RNF123: variants seen among roughly 807,000 people sequenced by gnomAD.
RNF123 encodes ring finger protein 123.
Under a neutral mutation model 168.5 loss-of-function variants are expected in RNF123, and 86 were observed. The ratio of observed to expected loss-of-function variants is 0.51; its 90% confidence interval spans 0.43 to 0.61. RNF123 has a LOEUF of 0.61. Ranked by LOEUF, RNF123 falls within the 20% of genes least tolerant of loss-of-function variation. RNF123 has a pLI of 0.00. For synonymous variants in RNF123, 666 were observed against 689.1 expected, an observed-to-expected ratio of 0.97 and a Z score of 0.52; for missense variants, 1,419 against 1,729.7, an observed-to-expected ratio of 0.82 and a Z score of 3.19.
chr3:49,699,418 G>A lies in RNF123; in HGVS notation c.765-50G>A. ...GTGGGGGGTGGGCAGTGGAGAGGGAGTAGGCATGTCTGAGCCACAGATAAG... is the reference window on the plus strand; with the variant it reads ...GTGGGGGGTGGGCAGTGGAGAGGGAATAGGCATGTCTGAGCCACAGATAAG... On this transcript the variant is annotated intron_variant, in intron 10 of 38. Coordinates refer to ENST00000327697, the MANE Select transcript of RNF123 (RefSeq NM_022064.5). This position sits in a 1 kb window ranked among gnomAD's most constrained non-coding sequence, Gnocchi z 4.8. 1 of 1,465,020 alleles carries A rather than the reference G, an allele frequency of 6.8e-7. No homozygotes were observed. Among genetic ancestry groups the A allele is most frequent in the South Asian group, 1.2e-5 (1 of 82,456 alleles). The allele number at this position is 1,465,020 out of a possible 1,614,324, so 90.8% of individuals were successfully genotyped here.
chr3:49,712,449 A>G (rs751143604), intron 26 of RNF123, 30 bp from the exon 27 acceptor site: 1 of 1,611,432 alleles, frequency 6.2e-7, no homozygotes. Flanking sequence ...CTGGTGCGCA[A>G]CCCAGCAGCA....
chr3:49,702,186 G>C, intron 18 of RNF123, 42 bp downstream of exon 18: 2 of 1,605,148 alleles, frequency 1.2e-6, no homozygotes, highest in Non-Finnish European at 1.7e-6. Context: ...CCTGTGGGGA[G>C]GGATGCTGCA....
At position 49,704,703 on chromosome 3, in the gene RNF123, A is replaced by G. The variant is rs1324286977; in HGVS notation, c.1906A>G (p.Thr636Ala). ...IVIDPLELQS[T>A]AMDDLDEDEE... ...GATCGACCCACTGGAGCTCCAGTCA[A>G]CCGCCATGGATGACCTAGATGAGGA... is the stretch of plus-strand genomic sequence containing the variant. Residue 636 changes from threonine (T) to alanine (A), a missense_variant, in exon 22 of 39, where the codon ACC (threonine) becomes GCC (alanine). Coordinates refer to ENST00000327697, the MANE Select transcript of RNF123 (RefSeq NM_022064.5). 1.2e-5 allele frequency: 19 copies of G among 1,604,588 alleles called. No homozygotes were observed. Among genetic ancestry groups the G allele is most frequent in the Non-Finnish European group, 1.4e-5 (17 of 1,175,632 alleles).
intron 35 of RNF123, chr3:49,719,618 C>T (rs2080343479): frequency 4.6e-6 from 3 of 654,772 alleles, no homozygotes; most frequent in South Asian, 4.0e-5. Flanking sequence ...CCCTACTCTC[C>T]GGTTCCCAGG....
intron 35 of RNF123, 30 bp from the exon 36 acceptor site, chr3:49,720,481 C>T (rs2080378224): frequency 1.3e-6 from 2 of 1,519,240 alleles, no homozygotes; most frequent in East Asian, 4.6e-5. Context: ...CCCAAGCCTT[C>T]TGACTGCCCT....
At chr3:49,718,304 G>A (rs778881594) in intron 35 of RNF123, 5 of 1,613,142 alleles carry the variant, frequency 3.1e-6, no homozygotes, top group East Asian at 4.5e-5. Context: ...CAGCCCAGCA[G>A]TGTGGTGAAG....
intron 21 of RNF123, among the ~76,000 whole-genome samples, chr3:49,703,871 C>T (rs943947190): frequency 2.6e-5 from 4 of 152,260 alleles, no homozygotes; most frequent in Non-Finnish European, 4.4e-5. Flanking sequence ...GGCCCTGAGC[C>T]GGGCACAAGG....
rs757581420 is a variant in RNF123, at chr3:49,698,144, G to A, written c.483+7G>A. On this transcript the variant is annotated splice_region_variant and intron_variant, in intron 7 of 38. Transcript: ENST00000327697. ...CTGCCGCTTCAACCAGGAGGTACAC[G>A]TTGGGGAGGGGACCCCTCCCTGGGC... 7 of 1,612,592 alleles carry A rather than the reference G, an allele frequency of 4.3e-6. No individual in the cohort carries two copies. Among genetic ancestry groups the A allele is most frequent in the Middle Eastern group, 1.6e-4 (1 of 6,078 alleles).
In RNF123 at chr3:49,697,229, G is replaced by A; in HGVS notation, c.247+7G>A. On this transcript the variant is annotated splice_region_variant and intron_variant, in intron 4 of 38. Transcript: ENST00000327697. ...GAGGAGGAGGAAAGCCAGGGTATGTGGCCACCTCTGGAGTGGGGTTGGGAG... is the reference window on the plus strand; with the variant it reads ...GAGGAGGAGGAAAGCCAGGGTATGTAGCCACCTCTGGAGTGGGGTTGGGAG... 6.2e-7 allele frequency: 1 copy of A among 1,613,352 alleles called. No homozygotes were observed. The highest frequency in any genetic ancestry group is 8.5e-7 in the Non-Finnish European group (1 of 1,179,346).
At chr3:49,697,008 G>C (rs775775007) in intron 3 of RNF123, 135 bp from the exon 4 acceptor site, 16 of 757,054 alleles carry the variant, frequency 2.1e-5, no homozygotes, top group Non-Finnish European at 3.3e-5. Context: ...GCATGCCAGA[G>C]TCTAGGACTA....
intron 35 of RNF123, chr3:49,716,739 A>G: frequency 2.2e-6 from 1 of 463,386 alleles, no homozygotes; most frequent in Non-Finnish European, 3.9e-6. Context: ...GCCTCAGGCC[A>G]GGCATGGGAG....
Position 49,704,766 on chromosome 3 carries a change from T to G in RNF123, c.1959+10T>G. On this transcript the variant is annotated intron_variant, in intron 22 of 38. Transcript: ENST00000327697. The stretch of plus-strand genomic sequence containing the variant: ...CCCAGCTATGGCCCAGGTGCCGCAG[T>G]GGGGGCAGGCGGTGGGATTTGTGTT... The G allele has an allele frequency of 6.4e-7, 1 of 1,565,764 alleles. No individual in the cohort carries two copies. The highest frequency in any genetic ancestry group is 8.7e-7 in the Non-Finnish European group (1 of 1,155,170).
intron 3 of RNF123, among the ~76,000 whole-genome samples, chr3:49,692,248 T>TA (rs1329782013): frequency 6.6e-6 from 1 of 152,164 alleles, no homozygotes; most frequent in Non-Finnish European, 1.5e-5. Context: ...ACCCTGTCTC[T>TA]AAAAAAAGAA....
rs2080189243 is a variant in RNF123, at chr3:49,713,799, G to C, written c.2811G>C (p.Arg937=). Residue 937 remains arginine (R), a synonymous_variant, in exon 29 of 39, where the codon CGG becomes CGC. Coordinates refer to ENST00000327697, the MANE Select transcript of RNF123 (RefSeq NM_022064.5). ...ACGTGTGCTACCCACACTCCCTGCG[G>C]GCTGTGGAGCGAATCCCCGAGGAGC... is the stretch of plus-strand genomic sequence containing the variant. ...ASYVCYPHSL[R]AVERIPEEQR... 1 of 1,612,768 alleles carries C rather than the reference G, an allele frequency of 6.2e-7. No individual in the cohort carries two copies. The highest frequency in any genetic ancestry group is 2.2e-5 in the East Asian group (1 of 44,822).
At chr3:49,719,406 G>T (rs766352996) in intron 35 of RNF123, 2 of 1,613,618 alleles carry the variant, frequency 1.2e-6, no homozygotes, top group Non-Finnish European at 1.7e-6. Flanking sequence ...CGGAGTCCGG[G>T]GTGCCTAACC....
Position 49,699,474 on chromosome 3 carries a change from A to C in RNF123, c.771A>C (p.Pro257=), listed in dbSNP as rs145834474. The change falls in exon 11 of 39, where the codon CCA becomes CCC. Residue 257 remains proline, a synonymous_variant. Transcript: ENST00000327697. The surrounding 1 kb of genome is among the most constrained non-coding windows in gnomAD (Gnocchi z 4.8). ...FNFGSRPLRY[P]VAGYRPLQDP... ...GCTGGCTTAACTCTGGCACCTACCC[A>C]GTGGCAGGCTACCGGCCCCTGCAGG... 6.2e-7 allele frequency: 1 copy of C among 1,601,678 alleles called. No homozygotes were observed. Among genetic ancestry groups the C allele is most frequent in the South Asian group, 1.1e-5 (1 of 89,536 alleles).
intron 35 of RNF123, chr3:49,716,684 C>T (rs996963298): frequency 3.8e-6 from 2 of 526,896 alleles, no homozygotes; most frequent in Non-Finnish European, 6.9e-6. Flanking sequence ...GGGACCCCAG[C>T]AGGACAGGTG....
intron 26 of RNF123, among the ~76,000 whole-genome samples, chr3:49,708,025 T>C (rs1379750866): frequency 6.6e-6 from 1 of 152,120 alleles, no homozygotes; most frequent in Non-Finnish European, 1.5e-5. Flanking sequence ...CTCACTCTGT[T>C]GCCCAGGCTG....
chr3:49,712,346 C>T, intron 26 of RNF123, 133 bp from the exon 27 acceptor site: 1 of 804,384 alleles, frequency 1.2e-6, no homozygotes, highest in South Asian at 1.7e-5. Context: ...AGCTACTGCT[C>T]ATGCTTCCTG....
Sources: gnomAD v4.1 joint callset for allele counts (sites outside exome capture counted in the v4.1 genomes callset) on GRCh38, gnomAD v4.1.1 for gene constraint, Gnocchi (gnomAD v3.1) non-coding constraint, MANE v1.5 for transcripts, NCBI Gene and HGNC (gene_info 2026-07-23, HGNC 2026-07-21) for gene names.